The following DYM variants were observed in gnomAD, a reference collection of about 807,000 sequenced individuals.
DYM encodes the protein dymeclin, also known as dyggve-Melchior-Clausen syndrome protein.
In DYM, 78 loss-of-function variants were observed where a neutral mutation model predicts 93.1. The ratio of observed to expected loss-of-function variants is 0.84; its 90% CI spans 0.70 to 1.01. DYM has a LOEUF of 1.01. Among genes scored for constraint, DYM ranks in the 50% least tolerant of loss-of-function variants. The pLI is 0.00. For missense variants in DYM, 789 were observed against 845.0 expected (o/e 0.93, Z 0.82); for synonymous variants, 321 against 319.7 (o/e 1.00, Z -0.04).
At chr18:49,273,073 C>T (rs2094752572) in intron 10 of DYM, among the ~76,000 whole-genome samples, 1 of 152,048 alleles carries the variant, frequency 6.6e-6, no homozygotes, top group African/African-American at 2.4e-5. Flanking sequence ...ATTGTTTACA[C>T]ATACAAGTCC....
chr18:49,348,025 G>T (rs907667561), intron 6 of DYM, among the ~76,000 whole-genome samples: 2 of 152,194 alleles, frequency 1.3e-5, no homozygotes, highest in African/African-American at 2.4e-5. Flanking sequence ...TTAATTTCAT[G>T]TGAAGAAAAA....
intron 14 of DYM, among the ~76,000 whole-genome samples, chr18:49,191,006 G>C (rs970181760): frequency 6.6e-6 from 1 of 151,296 alleles, no homozygotes; most frequent in African/African-American, 2.4e-5. Context: ...GCTATTAGTA[G>C]TTAAGTTTTG....
At position 49,286,712 on chromosome 18, in the gene DYM, G is replaced by A. The variant is rs2059690581; in HGVS notation, c.764-96C>T. 4 of 1,215,102 alleles carry A rather than the reference G, an allele frequency of 3.3e-6. No individual in the cohort carries two copies. The Admixed American group carries it at 7.9e-5, about 24-fold the overall frequency. 75.3% of individuals were successfully genotyped at this position (1,215,102 alleles called of 1,614,324 possible). ...GTGTAATATAATACAATATGGTAATGAGCAGTTCCAAAGTGTAGAACAAGA... is the reference window on the plus strand; with the variant it reads ...GTGTAATATAATACAATATGGTAATAAGCAGTTCCAAAGTGTAGAACAAGA... On this transcript the variant is annotated intron_variant, in intron 8 of 17. Coordinates refer to ENST00000675505, the MANE Select transcript of DYM (RefSeq NM_001353214.3).
intron 13 of DYM, among the ~76,000 whole-genome samples, chr18:49,231,943 T>G (rs1450631863): frequency 6.6e-6 from 1 of 152,234 alleles, no homozygotes; most frequent in East Asian, 1.9e-4. Flanking sequence ...GAACACAGGT[T>G]GGAGACAAGA....
chr18:49,073,523 C>T (rs575404299), intron 17 of DYM, among the ~76,000 whole-genome samples: 38 of 152,174 alleles, frequency 2.5e-4, no homozygotes, highest in African/African-American at 7.7e-4. Flanking sequence ...TGGCTTCAGG[C>T]CCTCAATTAG....
intron 13 of DYM, among the ~76,000 whole-genome samples, chr18:49,256,186 C>T (rs1349281703): frequency 6.6e-6 from 1 of 151,898 alleles, no homozygotes; most frequent in Non-Finnish European, 1.5e-5. Context: ...TGTCCATGTC[C>T]TAATCCCCTG....
chr18:49,183,919 G>T (rs1425401387), intron 14 of DYM, among the ~76,000 whole-genome samples: 1 of 152,164 alleles, frequency 6.6e-6, no homozygotes, highest in African/African-American at 2.4e-5. Context: ...CACGTACTAA[G>T]AAGAGGCCTT....
chr18:49,125,311 T>C (rs980997214), intron 15 of DYM, among the ~76,000 whole-genome samples: 2 of 152,148 alleles, frequency 1.3e-5, no homozygotes, highest in African/African-American at 2.4e-5. Context: ...AGAATCCCTA[T>C]ACAGAAAGAA....
chr18:49,237,778 G>A (rs2093915072), intron 13 of DYM, among the ~76,000 whole-genome samples: 1 of 152,098 alleles, frequency 6.6e-6, no homozygotes, highest in South Asian at 2.1e-4. Flanking sequence ...GTTTCTGCAT[G>A]TAAACAAAGA....
At chr18:49,070,477 G>A (rs1288796) in intron 17 of DYM, among the ~76,000 whole-genome samples, 125,625 of 152,118 alleles carry the variant, frequency 0.83, 52,122 homozygotes, top group South Asian at 0.9. Context: ...TTCTGTCCAC[G>A]GCCATTCTTC....
At chr18:49,409,638 A>T (rs1053233782) in intron 2 of DYM, among the ~76,000 whole-genome samples, 3 of 152,262 alleles carry the variant, frequency 2.0e-5, no homozygotes, top group African/African-American at 7.2e-5. Context: ...TAAGGAAAAA[A>T]TATTTGTTGG....
At chr18:49,058,840 A>G (rs2075718397) in intron 17 of DYM, among the ~76,000 whole-genome samples, 1 of 152,232 alleles carries the variant, frequency 6.6e-6, no homozygotes. Context: ...TTAGAGCAAG[A>G]GGATGTAGAA....
intron 1 of DYM, among the ~76,000 whole-genome samples, chr18:49,435,962 C>T (rs1228054199): frequency 2.0e-5 from 3 of 152,116 alleles, no homozygotes; most frequent in African/African-American, 7.2e-5. Flanking sequence ...TCTAGTTACT[C>T]GGTGTCCTAT....
intron 17 of DYM, among the ~76,000 whole-genome samples, chr18:49,080,678 G>A (rs1192528086): frequency 8.2e-5 from 12 of 146,932 alleles, no homozygotes; most frequent in Admixed American, 1.3e-4. Context: ...GGCGGCTGCC[G>A]GGCAGAGACG....
chr18:49,362,026 A>AT (rs71165388), intron 6 of DYM, among the ~76,000 whole-genome samples: 82,919 of 143,516 alleles, frequency 0.58, 24,311 homozygotes, highest in Non-Finnish European at 0.65. Flanking sequence ...ATCCGGCCTA[A>AT]TTTTTTTTTT....
At chr18:49,122,973 T>C (rs941948545) in intron 15 of DYM, among the ~76,000 whole-genome samples, 1 of 152,232 alleles carries the variant, frequency 6.6e-6, no homozygotes, top group African/African-American at 2.4e-5. Context: ...CTTTGAATTT[T>C]AATGACTATA....
At chr18:49,107,281 A>G (rs963752237) in intron 16 of DYM, among the ~76,000 whole-genome samples, 5 of 152,066 alleles carry the variant, frequency 3.3e-5, no homozygotes, top group African/African-American at 1.2e-4. Context: ...ACTTCTGTGC[A>G]TTGGTTATTC....
At chr18:49,193,534 C>T (rs990043543) in intron 14 of DYM, among the ~76,000 whole-genome samples, 1 of 152,148 alleles carries the variant, frequency 6.6e-6, no homozygotes, top group Non-Finnish European at 1.5e-5. Flanking sequence ...CCCATTTTAG[C>T]TCAAATCTGT....
At chr18:49,349,782 C>T (rs1172081019) in intron 6 of DYM, among the ~76,000 whole-genome samples, 2 of 152,058 alleles carry the variant, frequency 1.3e-5, no homozygotes, top group African/African-American at 4.8e-5. Context: ...ATAGCAAGAC[C>T]TCATCTCTAC....
Sources: allele counts gnomAD v4.1 joint callset (sites outside exome capture counted in the v4.1 genomes callset), GRCh38; gene constraint gnomAD v4.1.1; transcripts MANE v1.5; gene names NCBI Gene and HGNC (gene_info 2026-07-23, HGNC 2026-07-21).